The following GRM7 variants were observed in gnomAD, a reference collection of about 807,000 sequenced individuals.
GRM7 encodes glutamate metabotropic receptor 7, also known as metabotropic glutamate receptor 7.
In GRM7, 35 loss-of-function variants were observed where a neutral mutation model predicts 84.5. The observed-to-expected ratio is 0.41, with a 90% CI of 0.32 to 0.55. The LOEUF (loss-of-function observed/expected upper bound fraction) is 0.55. Ranked by LOEUF, GRM7 falls within the 20% of genes least tolerant of loss-of-function variation. GRM7 has a pLI of 0.19. For synonymous variants in GRM7, 487 were observed against 455.1 expected, an observed-to-expected ratio of 1.07 and a Z score of -0.89; for missense variants, 1,003 against 1,194.6, an observed-to-expected ratio of 0.84 and a Z score of 2.36.
intron 2 of GRM7, among the ~76,000 whole-genome samples, chr3:7,187,228 A>G (rs1039334625): frequency 5.9e-5 from 9 of 151,822 alleles, no homozygotes; most frequent in African/African-American, 1.9e-4. Flanking sequence ...CACACACAAA[A>G]TCTTGTCCTT....
At chr3:7,676,680 C>T (rs942891445) in intron 8 of GRM7, among the ~76,000 whole-genome samples, 5 of 151,978 alleles carry the variant, frequency 3.3e-5, no homozygotes, top group East Asian at 2.0e-4. Context: ...GTGATCTGCC[C>T]GCCTCGGCCT....
At chr3:7,605,521 A>G (rs1013005485) in intron 8 of GRM7, among the ~76,000 whole-genome samples, 6 of 152,214 alleles carry the variant, frequency 3.9e-5, no homozygotes, top group Non-Finnish European at 8.8e-5. Flanking sequence ...ATCTTGATAC[A>G]TAGCACGTAA....
At chr3:7,245,065 C>T (rs900199510) in intron 2 of GRM7, among the ~76,000 whole-genome samples, 17 of 151,828 alleles carry the variant, frequency 1.1e-4, no homozygotes, top group Non-Finnish European at 2.2e-4. Flanking sequence ...TAATGGCGTA[C>T]TGGATATAAC....
Position 7,293,316 on chromosome 3 carries a change from A to C in GRM7, c.737-5368A>C, listed in dbSNP as rs141563219. ...CTAAAGATTGCTAGCTACCATGCGC[A>C]GACAGAAAACTGACCAGTTTTCAGC... is the stretch of plus-strand genomic sequence containing the variant. On this transcript the variant is annotated intron_variant, in intron 2 of 9. Coordinates refer to ENST00000357716, the MANE Select transcript of GRM7 (RefSeq NM_000844.4). 2.9e-3 allele frequency among the ~76,000 whole-genome samples: 438 copies of C among 152,272 alleles called. 1 individual carries two copies. The highest frequency in any genetic ancestry group is 9.9e-3 in the African/African-American group (410 of 41,560).
chr3:7,249,044 T>C (rs1697882615), intron 2 of GRM7, among the ~76,000 whole-genome samples: 1 of 152,176 alleles, frequency 6.6e-6, no homozygotes, highest in Non-Finnish European at 1.5e-5. Context: ...ACTCGAGGAC[T>C]TTACCCTGAA....
chr3:7,519,113 C>T (rs1458165910), intron 7 of GRM7, among the ~76,000 whole-genome samples: 1 of 152,156 alleles, frequency 6.6e-6, no homozygotes, highest in Non-Finnish European at 1.5e-5. Flanking sequence ...AAAATATCAA[C>T]CCAGTTTTTT....
intron 7 of GRM7, among the ~76,000 whole-genome samples, chr3:7,487,534 G>A (rs143017537): frequency 1.7e-3 from 266 of 152,238 alleles, no homozygotes; most frequent in Non-Finnish European, 3.0e-3. Flanking sequence ...TGCTCCTCAC[G>A]TCCAACTCAC....
At chr3:7,459,315 A>T in intron 6 of GRM7, among the ~76,000 whole-genome samples, 1 of 152,134 alleles carries the variant, frequency 6.6e-6, no homozygotes, top group East Asian at 1.9e-4. Context: ...TAAATTAGAT[A>T]CCAGTTAAGT....
intron 1 of GRM7, among the ~76,000 whole-genome samples, chr3:7,093,692 AAAAAAAAAAAAAAAAAAAAAAAG>A (rs933327714): frequency 5.7e-5 from 6 of 106,068 alleles, no homozygotes; most frequent in East Asian, 2.9e-4. Context: ...AAAAAAAAAA[AAAAAAAAAAAAAAAAAAAAAAAG>A]GTAGTTAGTG....
chr3:7,496,547 G>T (rs568049446), intron 7 of GRM7, among the ~76,000 whole-genome samples: 4 of 152,130 alleles, frequency 2.6e-5, no homozygotes, highest in Non-Finnish European at 5.9e-5. Context: ...TCCTGGATTA[G>T]ATCTTATAAT....
intron 1 of GRM7, among the ~76,000 whole-genome samples, chr3:7,031,963 C>T (rs1696202357): frequency 6.6e-6 from 1 of 152,076 alleles, no homozygotes; most frequent in Non-Finnish European, 1.5e-5. Context: ...TATCCCTTAA[C>T]CTACCTGTCC....
intron 7 of GRM7, among the ~76,000 whole-genome samples, chr3:7,573,838 G>C (rs1005761996): frequency 6.6e-6 from 1 of 152,110 alleles, no homozygotes; most frequent in African/African-American, 2.4e-5. Flanking sequence ...TACTATCCAC[G>C]TAAGAATTTG....
chr3:7,352,943 G>C (rs142451879), intron 4 of GRM7, among the ~76,000 whole-genome samples: 158 of 152,228 alleles, frequency 1.0e-3, no homozygotes, highest in African/African-American at 3.8e-3. Flanking sequence ...GGAGGGCTGA[G>C]AGTTCAACTT....
At chr3:7,461,751 T>A in intron 7 of GRM7, 29 bp downstream of exon 7, 1 of 1,604,264 alleles carries the variant, frequency 6.2e-7, no homozygotes, top group Non-Finnish European at 8.5e-7. Context: ...TCTTCTTCCC[T>A]TGTTGAGATG....
chr3:7,028,934 G>A (rs1696080209), intron 1 of GRM7, among the ~76,000 whole-genome samples: 1 of 152,204 alleles, frequency 6.6e-6, no homozygotes, highest in African/African-American at 2.4e-5. Flanking sequence ...CCTGTGCACT[G>A]CTGTTGGGAA....
intron 7 of GRM7, among the ~76,000 whole-genome samples, chr3:7,576,864 A>G (rs1256889712): frequency 2.6e-5 from 4 of 152,180 alleles, no homozygotes; most frequent in Admixed American, 1.3e-4. Flanking sequence ...AATAAACTTC[A>G]AAGTATTTTA....
rs111346435 is a variant in GRM7, at chr3:7,665,581, A to G, written c.2452-14468A>G. On this transcript the variant is annotated intron_variant, in intron 8 of 9. Coordinates refer to ENST00000357716, the MANE Select transcript of GRM7 (RefSeq NM_000844.4). ...ATTTTCTTGTCAGTTCCCTTTAGAAATACTTAGAGCTGTTTGTTTTTCCAA... is the reference window on the plus strand; with the variant it reads ...ATTTTCTTGTCAGTTCCCTTTAGAAGTACTTAGAGCTGTTTGTTTTTCCAA... Among the ~76,000 whole-genome samples, 1,409 of 152,308 alleles carry G rather than the reference A, an allele frequency of 9.3e-3. 17 individuals are homozygous for G. The highest frequency in any genetic ancestry group is 0.034 in the Middle Eastern group (10 of 294).
rs147408854 is a variant in GRM7 at position 7,299,489 on chromosome 3, A to G, written c.878+664A>G. Among the ~76,000 whole-genome samples, 97 of 152,328 alleles carry G rather than the reference A, an allele frequency of 6.4e-4. No individual in the cohort carries two copies. In the East Asian group the frequency reaches 0.018, roughly 28 times the overall value. On this transcript the variant is annotated intron_variant, in intron 3 of 9. Transcript: ENST00000357716. ...TTTGTAATCTTTATTTTTAGAATAA[A>G]CAGTAAATAAACCTGATTACAAAAT...
intron 1 of GRM7, among the ~76,000 whole-genome samples, chr3:7,076,801 A>G (rs1698098245): frequency 6.6e-6 from 1 of 152,214 alleles, no homozygotes; most frequent in Admixed American, 6.5e-5. Context: ...GGCAACTTAT[A>G]GAATGGGAGA....
Sources: allele counts gnomAD v4.1 joint callset (sites outside exome capture counted in the v4.1 genomes callset), GRCh38; gene constraint gnomAD v4.1.1; transcripts MANE v1.5; gene names NCBI Gene and HGNC (gene_info 2026-07-23, HGNC 2026-07-21).